Variants in PDE1C observed in about 807,000 individuals in gnomAD.
PDE1C encodes dual specificity calcium/calmodulin-dependent 3',5'-cyclic nucleotide phosphodiesterase 1C.
Under a neutral mutation model 93.1 loss-of-function variants are expected in PDE1C, and 62 were observed. That is an observed-to-expected ratio of 0.67 (90% CI 0.54 to 0.82). PDE1C has a LOEUF of 0.82. Ranked by LOEUF, PDE1C falls within the 40% of genes least tolerant of loss-of-function variation. The probability of loss-of-function intolerance (pLI) is 0.00; values close to 1 mark genes in which losing one functional copy is unlikely to be tolerated. For synonymous variants in PDE1C, 325 were observed against 310.1 expected, an observed-to-expected ratio of 1.05 and a Z score of -0.50; for missense variants, 742 against 884.6, an observed-to-expected ratio of 0.84 and a Z score of 2.04.
chr7:32,289,184 C>T (rs568794520), intron 1 of PDE1C, among the ~76,000 whole-genome samples: 3 of 152,150 alleles, frequency 2.0e-5, no homozygotes, highest in African/African-American at 7.2e-5. Context: ...GCAGAAGGAT[C>T]GCTTGAGCCC....
intron 2 of PDE1C, among the ~76,000 whole-genome samples, chr7:31,969,005 A>T (rs200993100): frequency 3.3e-5 from 5 of 152,134 alleles, no homozygotes; most frequent in African/African-American, 7.2e-5. Context: ...GACTTAAATG[A>T]TAGACCTAAA....
chr7:31,686,035 T>C, the PDE1C span, among the ~76,000 whole-genome samples: 97 of 152,294 alleles, frequency 6.4e-4, no homozygotes, highest in African/African-American at 2.2e-3. Flanking sequence ...ACATTGCCAG[T>C]GGCAAGCAGG....
At chr7:32,237,767 T>TATATACAC (rs1252747319) in intron 1 of PDE1C, among the ~76,000 whole-genome samples, 1 of 40,514 alleles carries the variant, frequency 2.5e-5, no homozygotes, top group Admixed American at 3.7e-4. Context: ...TATATACTTT[T>TATATACAC]TTTTTTTTTT....
At chr7:31,958,143 A>C (rs1808414778) in intron 2 of PDE1C, among the ~76,000 whole-genome samples, 1 of 152,238 alleles carries the variant, frequency 6.6e-6, no homozygotes. Context: ...ATTACCTTTC[A>C]TTCATGCTAG....
the PDE1C span, among the ~76,000 whole-genome samples, chr7:31,619,385 A>T: frequency 6.6e-6 from 1 of 152,206 alleles, no homozygotes; most frequent in Non-Finnish European, 1.5e-5. Context: ...TGAATTTTCA[A>T]TTCTTATTAT....
intron 2 of PDE1C, among the ~76,000 whole-genome samples, chr7:31,893,069 A>T (rs1033041371): frequency 3.9e-5 from 6 of 152,222 alleles, no homozygotes; most frequent in Admixed American, 2.0e-4. Context: ...GTAAATTTTA[A>T]AAATAAATAA....
chr7:32,358,836 C>T (rs1232394049), intron 1 of PDE1C, among the ~76,000 whole-genome samples: 1 of 121,850 alleles, frequency 8.2e-6, no homozygotes, highest in Non-Finnish European at 1.9e-5. Context: ...CCCTCTCCTG[C>T]TTTATTCTTC....
At chr7:31,855,542 T>C (rs1793900190) in intron 7 of PDE1C, among the ~76,000 whole-genome samples, 1 of 151,990 alleles carries the variant, frequency 6.6e-6, no homozygotes, top group South Asian at 2.1e-4. Flanking sequence ...AGGAGCCAAA[T>C]GTCTACCAAT....
intron 2 of PDE1C, among the ~76,000 whole-genome samples, chr7:31,942,531 T>C (rs1370398023): frequency 6.6e-6 from 1 of 152,124 alleles, no homozygotes. Context: ...AGTATTAAAA[T>C]GGTTGTGTGC....
intron 2 of PDE1C, among the ~76,000 whole-genome samples, chr7:31,994,118 A>G (rs1465782059): frequency 6.6e-6 from 1 of 152,102 alleles, no homozygotes; most frequent in Non-Finnish European, 1.5e-5. Flanking sequence ...ACCAAGCCCA[A>G]GGAGAGCTGC....
rs1043472479 is a variant in PDE1C, at chr7:31,816,983, T to C, written c.1583-829A>G. 2.0e-5 allele frequency among the ~76,000 whole-genome samples: 3 copies of C among 152,330 alleles called. No individual in the cohort carries two copies. The South Asian group carries it at 6.2e-4, about 32-fold the overall frequency. ...AGTATTTATGAAAAGATTGGTTCAC[T>C]CATCCAACTCATATTTATTGAGCAG... is the stretch of plus-strand genomic sequence containing the variant. On this transcript the variant is annotated intron_variant, in intron 14 of 17. Transcript: ENST00000396191.
chr7:32,212,560 C>T (rs970705577), intron 1 of PDE1C, among the ~76,000 whole-genome samples: 3 of 152,210 alleles, frequency 2.0e-5, no homozygotes, highest in African/African-American at 7.2e-5. Flanking sequence ...ATTCTCCCAC[C>T]TCATTTCCCA....
chr7:31,794,089 C>CAGACAGACAGACAGACAGAT (rs1562808129), intron 16 of PDE1C, among the ~76,000 whole-genome samples: 1 of 136,080 alleles, frequency 7.3e-6, no homozygotes, highest in African/African-American at 3.0e-5. Flanking sequence ...GACAGACAGA[C>CAGACAGACAGACAGACAGAT]AGATAGATAG....
At chr7:31,814,883 T>G (rs114995771) in intron 15 of PDE1C, among the ~76,000 whole-genome samples, 2,507 of 151,852 alleles carry the variant, frequency 0.017, 25 homozygotes, top group African/African-American at 0.029. Context: ...AAGCACAGCT[T>G]GACTTGAATC....
At chr7:32,086,874 C>A (rs1426975809) in intron 3 of PDE1C, among the ~76,000 whole-genome samples, 3 of 151,612 alleles carry the variant, frequency 2.0e-5, no homozygotes, top group Admixed American at 2.0e-4. Flanking sequence ...TAAAGACTTA[C>A]ATGTTAGACC....
the PDE1C span, chr7:31,707,593 A>G: frequency 3.4e-6 from 1 of 298,260 alleles, no homozygotes; most frequent in Non-Finnish European, 6.2e-6. Context: ...TTCTGGATCA[A>G]TTCACGGAAC....
chr7:31,732,745 GTGTT>G, the PDE1C span, among the ~76,000 whole-genome samples: 1 of 151,684 alleles, frequency 6.6e-6, no homozygotes, highest in African/African-American at 2.4e-5. Context: ...GCCACAATGT[GTGTT>G]TGGTCTGCTT....
At chr7:32,116,649 A>G (rs565915278) in intron 3 of PDE1C, among the ~76,000 whole-genome samples, 24 of 152,308 alleles carry the variant, frequency 1.6e-4, no homozygotes, top group African/African-American at 5.5e-4. Flanking sequence ...GCTGTTGGAA[A>G]CCACAGAAGG....
intron 1 of PDE1C, among the ~76,000 whole-genome samples, chr7:32,341,337 G>A (rs1008566389): frequency 5.4e-5 from 8 of 149,160 alleles, no homozygotes; most frequent in Middle Eastern, 3.2e-3. Flanking sequence ...TACCACGCCC[G>A]GCTAATTTTT....
Sources: allele counts gnomAD v4.1 joint callset (sites outside exome capture counted in the v4.1 genomes callset), GRCh38; gene constraint gnomAD v4.1.1; transcripts MANE v1.5; gene names NCBI Gene and HGNC (gene_info 2026-07-23, HGNC 2026-07-21).